RIMS2: variants seen among roughly 807,000 people sequenced by gnomAD.
The protein encoded by RIMS2 is regulating synaptic membrane exocytosis 2, also known as regulating synaptic membrane exocytosis protein 2.
A neutral mutation model predicts 174.4 loss-of-function variants in RIMS2; 59 were observed. The observed-to-expected ratio is 0.34, with a 90% CI of 0.27 to 0.42. RIMS2 has a LOEUF of 0.42. Ranked by LOEUF, RIMS2 falls within the 10% of genes least tolerant of loss-of-function variation. The pLI is 1.00. For missense variants in RIMS2, 1,620 were observed against 1,666.3 expected, an observed-to-expected ratio of 0.97 and a Z score of 0.48; for synonymous variants, 606 against 572.5, an observed-to-expected ratio of 1.06 and a Z score of -0.84.
chr8:103,717,140 T>TC lies in RIMS2; in HGVS notation c.387+19844_387+19845insC, dbSNP rs1367998415. Among the ~76,000 whole-genome samples the TC allele has an allele frequency of 3.6e-5, 5 of 139,342 alleles. No homozygotes were observed. In the East Asian group the frequency reaches 7.8e-4, roughly 22 times the overall value. 91.4% of individuals were successfully genotyped at this position (139,342 alleles called of 152,430 possible). ...TGATAGTTTCTAAATAGTGCCTTCT[T>TC]TTTTTTTTTTTTTTTTTTCTTTTAC... On this transcript the variant is annotated intron_variant, in intron 2 of 23. Coordinates refer to ENST00000504942, the Ensembl canonical transcript of RIMS2.
At chr8:103,963,627 T>G (rs2090918575) in intron 15 of RIMS2, among the ~76,000 whole-genome samples, 1 of 152,122 alleles carries the variant, frequency 6.6e-6, no homozygotes, top group Non-Finnish European at 1.5e-5. Context: ...CCCAACACAT[T>G]CATAGCCTCT....
At chr8:103,983,421 A>G (rs72683121) in intron 16 of RIMS2, among the ~76,000 whole-genome samples, 19,292 of 152,212 alleles carry the variant, frequency 0.13, 1,688 homozygotes, top group Non-Finnish European at 0.19. Context: ...TGGAGCCACA[A>G]AAGACACAGA....
At chr8:103,896,033 A>G (rs2099275679) in intron 4 of RIMS2, among the ~76,000 whole-genome samples, 1 of 151,630 alleles carries the variant, frequency 6.6e-6, no homozygotes, top group Non-Finnish European at 1.5e-5. Flanking sequence ...GTGCTCTCTC[A>G]GGATCTCCCC....
chr8:104,246,399 A>G (rs1484864631), intron 20 of RIMS2, among the ~76,000 whole-genome samples: 1 of 151,662 alleles, frequency 6.6e-6, no homozygotes. Flanking sequence ...ACTTCTATAG[A>G]ACATACAATA....
intron 2 of RIMS2, among the ~76,000 whole-genome samples, chr8:103,700,620 C>T (rs184626877): frequency 1.2e-4 from 18 of 151,934 alleles, no homozygotes; most frequent in Non-Finnish European, 2.4e-4. Flanking sequence ...ATAAAATTTA[C>T]GTTTACTGTG....
At chr8:104,086,848 T>C (rs1435992862) in intron 19 of RIMS2, among the ~76,000 whole-genome samples, 1 of 152,122 alleles carries the variant, frequency 6.6e-6, no homozygotes, top group Non-Finnish European at 1.5e-5. Context: ...AAATATTTAT[T>C]GTCCCTTACT....
At chr8:104,181,346 T>C (rs1032067116) in intron 19 of RIMS2, among the ~76,000 whole-genome samples, 1 of 151,618 alleles carries the variant, frequency 6.6e-6, no homozygotes, top group Non-Finnish European at 1.5e-5. Flanking sequence ...AAAATTATGA[T>C]TAATTCAGCA....
intron 19 of RIMS2, among the ~76,000 whole-genome samples, chr8:104,230,177 G>A (rs1398171870): frequency 6.6e-6 from 1 of 151,758 alleles, no homozygotes; most frequent in African/African-American, 2.4e-5. Context: ...TACTCAGGAG[G>A]CTGAGGCAGG....
intron 19 of RIMS2, among the ~76,000 whole-genome samples, chr8:104,048,136 A>G (rs756167461): frequency 4.6e-5 from 7 of 152,186 alleles, no homozygotes; most frequent in Non-Finnish European, 8.8e-5. Context: ...CAGAATATCA[A>G]AATCATCATA....
At chr8:103,835,109 T>TG (rs2098868352) in intron 3 of RIMS2, among the ~76,000 whole-genome samples, 1 of 148,706 alleles carries the variant, frequency 6.7e-6, no homozygotes, top group African/African-American at 2.5e-5. Context: ...TTTTCTTTTT[T>TG]TTTTTTTTTT....
intron 19 of RIMS2, among the ~76,000 whole-genome samples, chr8:104,101,654 CTTTT>C (rs2097905141): frequency 6.6e-6 from 1 of 152,028 alleles, no homozygotes; most frequent in African/African-American, 2.4e-5. Flanking sequence ...ACCTTTCTTT[CTTTT>C]ATTTTGTGTG....
At chr8:103,726,964 G>C (rs2097534399) in intron 2 of RIMS2, among the ~76,000 whole-genome samples, 1 of 151,212 alleles carries the variant, frequency 6.6e-6, no homozygotes. Flanking sequence ...ATCTTGAACT[G>C]CTGACCTTGT....
At chr8:103,553,096 G>T (rs2131660709) in intron 1 of RIMS2, among the ~76,000 whole-genome samples, 1 of 152,170 alleles carries the variant, frequency 6.6e-6, no homozygotes, top group Admixed American at 6.5e-5. Context: ...CTATTACTGG[G>T]TATATACCCA....
At chr8:103,758,818 C>A (rs1281602496) in intron 2 of RIMS2, among the ~76,000 whole-genome samples, 2 of 152,024 alleles carry the variant, frequency 1.3e-5, no homozygotes, top group African/African-American at 4.8e-5. Flanking sequence ...TTACAAATTA[C>A]AAATAAGTAG....
At chr8:103,545,308 TAGAA>T (rs1416588601) in intron 1 of RIMS2, among the ~76,000 whole-genome samples, 1 of 151,402 alleles carries the variant, frequency 6.6e-6, no homozygotes, top group African/African-American at 2.4e-5. Flanking sequence ...TGAAATAACT[TAGAA>T]AGAAATTAAA....
chr8:103,698,829 A>T (rs976580317), intron 2 of RIMS2, among the ~76,000 whole-genome samples: 1 of 152,058 alleles, frequency 6.6e-6, no homozygotes, highest in South Asian at 2.1e-4. Context: ...ATGTGTCTGT[A>T]TTTTTCTTCC....
At chr8:103,621,989 G>A (rs1008490614) in intron 1 of RIMS2, among the ~76,000 whole-genome samples, 7 of 152,032 alleles carry the variant, frequency 4.6e-5, no homozygotes, top group Admixed American at 3.9e-4. Flanking sequence ...ATGCTTGTGT[G>A]TATAAAAATA....
At chr8:104,153,778 GA>G (rs1810161723) in intron 19 of RIMS2, among the ~76,000 whole-genome samples, 1 of 152,150 alleles carries the variant, frequency 6.6e-6, no homozygotes, top group African/African-American at 2.4e-5. Flanking sequence ...AGGCTTAAGA[GA>G]AGGCAACCAT....
intron 2 of RIMS2, among the ~76,000 whole-genome samples, chr8:103,750,170 T>C (rs2097867258): frequency 6.6e-6 from 1 of 152,038 alleles, no homozygotes; most frequent in South Asian, 2.1e-4. Flanking sequence ...TGTTAACCTA[T>C]TTTTTCCCCT....
Sources: gnomAD v4.1 joint callset for allele counts (sites outside exome capture counted in the v4.1 genomes callset) on GRCh38, gnomAD v4.1.1 for gene constraint, MANE v1.5 for transcripts, NCBI Gene and HGNC (gene_info 2026-07-23, HGNC 2026-07-21) for gene names.